The following SSUH2 variants were observed in gnomAD, a reference collection of about 807,000 sequenced individuals.
The protein encoded by SSUH2 is protein SSUH2 homolog.
A neutral mutation model predicts 55.3 loss-of-function variants in SSUH2; 47 were observed. That is an observed-to-expected ratio of 0.85 (90% CI 0.67 to 1.08). The LOEUF is 1.08. Among genes scored for constraint, SSUH2 ranks in the 50% least tolerant of loss-of-function variants. The pLI is 0.00. For missense variants in SSUH2, 535 were observed against 490.7 expected, an observed-to-expected ratio of 1.09 and a Z score of -0.85; for synonymous variants, 212 against 191.5, an observed-to-expected ratio of 1.11 and a Z score of -0.89.
At chr3:8,634,103 T>C (rs1253751787) in intron 3 of SSUH2, 3 of 764,062 alleles carry the variant, frequency 3.9e-6, no homozygotes, top group Non-Finnish European at 6.2e-6. Flanking sequence ...TGTACCATTT[T>C]ATAGATAAGA....
chr3:8,655,896 G>A (rs1178616615), intron 7 of SSUH2, among the ~76,000 whole-genome samples: 1 of 152,180 alleles, frequency 6.6e-6, no homozygotes, highest in Admixed American at 6.5e-5. Flanking sequence ...GAATGCTGGG[G>A]AATGTTTCAG....
chr3:8,664,759 T>C (rs561839591), intron 5 of SSUH2, among the ~76,000 whole-genome samples: 1 of 152,256 alleles, frequency 6.6e-6, no homozygotes, highest in Non-Finnish European at 1.5e-5. Flanking sequence ...ATATCTCTCA[T>C]CTATGGAAAG....
chr3:8,642,053 C>A (rs1194879786), intron 1 of SSUH2, among the ~76,000 whole-genome samples: 1 of 152,182 alleles, frequency 6.6e-6, no homozygotes, highest in Non-Finnish European at 1.5e-5. Context: ...TAAAAAGGTA[C>A]AACCCATGTC....
At chr3:8,676,854 C>A (rs1482278617) in intron 3 of SSUH2, among the ~76,000 whole-genome samples, 2 of 149,796 alleles carry the variant, frequency 1.3e-5, no homozygotes, top group South Asian at 2.1e-4. Context: ...CCCTTAGGAC[C>A]CCCATCGCAG....
chr3:8,675,165 G>A (rs1705094100), intron 3 of SSUH2, among the ~76,000 whole-genome samples: 1 of 152,156 alleles, frequency 6.6e-6, no homozygotes, highest in African/African-American at 2.4e-5. Context: ...TGGGTTTGCT[G>A]CCAGCTGAGG....
intron 7 of SSUH2, among the ~76,000 whole-genome samples, chr3:8,652,936 T>C (rs1262544412): frequency 6.6e-6 from 1 of 152,208 alleles, no homozygotes; most frequent in East Asian, 1.9e-4. Context: ...GCCATCTCCC[T>C]GGGAGTGGGG....
chr3:8,658,653 A>G (rs1016095691), intron 7 of SSUH2, among the ~76,000 whole-genome samples: 2 of 152,184 alleles, frequency 1.3e-5, no homozygotes, highest in South Asian at 4.1e-4. Flanking sequence ...GGCTGCAAAA[A>G]CAAGCCCCCG....
rs1446794368 is a variant in SSUH2, at chr3:8,679,168, C to T, written c.-901+537G>A. 1.9e-4 allele frequency among the ~76,000 whole-genome samples: 5 copies of T among 26,888 alleles called. 1 individual carries two copies. Among genetic ancestry groups the T allele is most frequent in the Non-Finnish European group, 3.3e-4 (4 of 12,252 alleles). 17.6% of individuals were successfully genotyped at this position (26,888 alleles called of 152,430 possible). A position where few individuals can be genotyped will look rare whatever the true frequency, so the allele number is the denominator to read the frequency against. On this transcript the variant is annotated intron_variant, in intron 2 of 18. Transcript: ENST00000317371. The stretch of plus-strand genomic sequence containing the variant: ...CCGCGAGGCGGGGACTGAGAGGCAG[C>T]CGCTGTTCCCCCACACTGGCTCTTG...
chr3:8,673,329 T>C (rs1321036127), intron 3 of SSUH2, among the ~76,000 whole-genome samples: 1 of 152,158 alleles, frequency 6.6e-6, no homozygotes, highest in East Asian at 1.9e-4. Flanking sequence ...AGATTATTAA[T>C]TGCGGTAAGT....
chr3:8,620,829 T>C (rs1007931359), intron 11 of SSUH2, among the ~76,000 whole-genome samples: 29 of 152,378 alleles, frequency 1.9e-4, no homozygotes, highest in African/African-American at 6.0e-4. Context: ...TTGAATCAAA[T>C]TTTAAGATAA....
chr3:8,658,148 GA>G (rs1703118647), intron 7 of SSUH2, among the ~76,000 whole-genome samples: 1 of 152,200 alleles, frequency 6.6e-6, no homozygotes, highest in Non-Finnish European at 1.5e-5. Context: ...AACTGGGGAT[GA>G]CCCTCATGGA....
chr3:8,652,128 A>G, intron 7 of SSUH2: 1 of 152,530 alleles, frequency 6.6e-6, no homozygotes, highest in Non-Finnish European at 1.5e-5. Flanking sequence ...CCAGAAGGAA[A>G]ATCAAACAAT....
rs1441531894 is a variant in SSUH2 at position 8,635,385 on chromosome 3, G to A, written c.128-4C>T. 1 of 1,534,690 alleles carries A rather than the reference G, an allele frequency of 6.5e-7. No homozygotes were observed. On this transcript the variant is annotated splice_region_variant and splice_polypyrimidine_tract_variant and intron_variant, in intron 2 of 11. Coordinates refer to ENST00000544814, the MANE Select transcript of SSUH2 (RefSeq NM_001256748.3). The stretch of plus-strand genomic sequence containing the variant: ...GGTGGGAAGAATATCTGTCCTCCTG[G>A]AGAAGGGAAGAGTCAGGGGCTGGAC...
At chr3:8,621,679 A>G (rs1394327293) in intron 11 of SSUH2, among the ~76,000 whole-genome samples, 2 of 152,206 alleles carry the variant, frequency 1.3e-5, no homozygotes, top group African/African-American at 4.8e-5. Flanking sequence ...AGACAACCAG[A>G]TAAGACCCCG....
chr3:8,648,846 C>T (rs1272932452), upstream of SSUH2, among the ~76,000 whole-genome samples: 3 of 152,154 alleles, frequency 2.0e-5, no homozygotes, highest in African/African-American at 7.2e-5. Context: ...GAACCCAACT[C>T]ATCAACTTTC....
intron 3 of SSUH2, among the ~76,000 whole-genome samples, chr3:8,674,907 G>T (rs1220929928): frequency 6.6e-6 from 1 of 152,114 alleles, no homozygotes; most frequent in Non-Finnish European, 1.5e-5. Context: ...GGCCAGTTAA[G>T]ACTGCGGCCC....
intron 3 of SSUH2, among the ~76,000 whole-genome samples, chr3:8,634,955 C>G (rs1699664572): frequency 6.6e-6 from 1 of 152,234 alleles, no homozygotes; most frequent in South Asian, 2.1e-4. Context: ...TTACTCAGCT[C>G]TGGAGTAAAA....
chr3:8,673,944 C>T (rs2124841898), intron 3 of SSUH2, among the ~76,000 whole-genome samples: 1 of 152,284 alleles, frequency 6.6e-6, no homozygotes, highest in African/African-American at 2.4e-5. Context: ...GGTATGTATA[C>T]TCCCCTTGAT....
At chr3:8,621,098 A>G (rs1037680308) in intron 11 of SSUH2, among the ~76,000 whole-genome samples, 3 of 152,232 alleles carry the variant, frequency 2.0e-5, no homozygotes, top group African/African-American at 4.8e-5. Flanking sequence ...CGTAGTTGAC[A>G]TAAGAATGTT....
Sources: gnomAD v4.1 joint callset for allele counts (sites outside exome capture counted in the v4.1 genomes callset) on GRCh38, gnomAD v4.1.1 for gene constraint, MANE v1.5 for transcripts, NCBI Gene and HGNC (gene_info 2026-07-23, HGNC 2026-07-21) for gene names.